Variants in CFAP300 observed in about 807,000 individuals in gnomAD.
CFAP300 encodes the protein cilia and flagella associated protein 300, also known as cilia- and flagella-associated protein 300.
Under a neutral mutation model 33.0 loss-of-function variants are expected in CFAP300, and 32 were observed. The observed-to-expected ratio is 0.97, with a 90% CI of 0.73 to 1.30. The LOEUF is 1.30. Ranked by LOEUF, CFAP300 falls within the 50% of genes most tolerant of loss-of-function variation. The probability of loss-of-function intolerance (pLI) is 0.00; values close to 1 mark genes in which losing one functional copy is unlikely to be tolerated. For missense variants in CFAP300, 356 were observed against 318.1 expected (o/e 1.12, Z -0.90); for synonymous variants, 102 against 106.8 (o/e 0.95, Z 0.28).
chr11:102,058,398 T>C (rs1356795311), intron 2 of CFAP300, among the ~76,000 whole-genome samples: 1 of 151,792 alleles, frequency 6.6e-6, no homozygotes. Flanking sequence ...GCTCATAAAC[T>C]ACAAAAGGAT....
In CFAP300 at chr11:102,084,519, T is replaced by C. The variant is rs1203706570; in HGVS notation, c.*1320T>C. The C allele has an allele frequency of 6.6e-6, 1 of 152,244 alleles. No individual in the cohort carries two copies. The highest frequency in any genetic ancestry group is 2.4e-5 in the African/African-American group (1 of 41,470). 9.4% of individuals were successfully genotyped at this position (152,244 alleles called of 1,614,324 possible). A position where few individuals can be genotyped will look rare whatever the true frequency, so the allele number is the denominator to read the frequency against. On this transcript the variant is annotated 3_prime_UTR_variant, in exon 7 of 7. Coordinates refer to ENST00000434758, the MANE Select transcript of CFAP300 (RefSeq NM_032930.3). ...TTTCTAGATATCCTCATAATACCCATAGATTTTTTTAAATTACATAAAAAC... is the reference window on the plus strand; with the variant it reads ...TTTCTAGATATCCTCATAATACCCACAGATTTTTTTAAATTACATAAAAAC...
chr11:102,075,963 C>T lies in CFAP300; in HGVS notation c.526C>T (p.Leu176Phe), dbSNP rs1942389261. 1 of 1,613,752 alleles carries T rather than the reference C, an allele frequency of 6.2e-7. No individual in the cohort carries two copies. Among genetic ancestry groups the T allele is most frequent in the African/African-American group, 1.3e-5 (1 of 74,888 alleles). The change falls in exon 5 of 7, where the codon CTT becomes TTT. Residue 176 changes from leucine to phenylalanine, a missense_variant. Coordinates refer to ENST00000434758, the MANE Select transcript of CFAP300 (RefSeq NM_032930.3). ...GTTTTGTCTTTTCAAACATCTTTGC[C>T]TTGGTGGAGCCCTTTGTCAATATGA... ...FLFCLFKHLC[L>F]GGALCQYEDV... is the part of the protein sequence containing the mutation.
intron 2 of CFAP300, among the ~76,000 whole-genome samples, chr11:102,051,446 G>A (rs1941969393): frequency 6.6e-6 from 1 of 152,080 alleles, no homozygotes; most frequent in Non-Finnish European, 1.5e-5. Flanking sequence ...CCAGAATTTA[G>A]GCCTCCCACA....
intron 3 of CFAP300, among the ~76,000 whole-genome samples, chr11:102,061,549 G>T (rs1942149679): frequency 6.6e-6 from 1 of 152,112 alleles, no homozygotes; most frequent in African/African-American, 2.4e-5. Flanking sequence ...ACATATAATG[G>T]ATGCTTCCTA....
rs752496808 is a variant in CFAP300, at chr11:102,075,905, A to C, written c.468A>C (p.Glu156Asp). 27 of 1,612,758 alleles carry C rather than the reference A, an allele frequency of 1.7e-5. No homozygotes were observed. The South Asian group carries it at 2.9e-4, about 17-fold the overall frequency. Residue 156 changes from glutamate (E) to aspartate (D), a missense_variant, in exon 5 of 7, where the codon GAA (glutamate) becomes GAC (aspartate). By Grantham distance (45) the Glu-to-Asp change is conservative. Transcript: ENST00000434758. ...TAGTGGAAGACTCAGAAAAATATGAAATATTCAGCCAACCAGATAGAGAAG... is the reference window on the plus strand; with the variant it reads ...TAGTGGAAGACTCAGAAAAATATGACATATTCAGCCAACCAGATAGAGAAG... ...VLLVEDSEKY[E>D]IFSQPDREEF...
chr11:102,047,519 T>A lies in CFAP300; in HGVS notation c.49T>A (p.Leu17Met), dbSNP rs1158642458. 3 of 1,535,900 alleles carry A rather than the reference T, an allele frequency of 2.0e-6. No homozygotes were observed. The East Asian group carries it at 7.3e-5, about 38-fold the overall frequency. ...GDLGGYYFRF[L>M]PQKTFQSLSS... ...CTTGGGTGGCTACTACTTCAGGTTC[T>A]TGCCTCAGAAAACCTTCCAGTCTCT... Residue 17 changes from leucine (L) to methionine (M), a missense_variant, in exon 1 of 7, where the codon TTG (leucine) becomes ATG (methionine). By Grantham distance (15) the Leu-to-Met change is conservative (BLOSUM62 2). Transcript: ENST00000434758.
intron 4 of CFAP300, among the ~76,000 whole-genome samples, chr11:102,071,510 T>C (rs972307467): frequency 1.3e-5 from 2 of 152,204 alleles, no homozygotes; most frequent in Admixed American, 6.5e-5. Context: ...GTATATCTTT[T>C]GTTCCTTTTT....
At chr11:102,071,564 C>T (rs897339537) in intron 4 of CFAP300, among the ~76,000 whole-genome samples, 12 of 152,024 alleles carry the variant, frequency 7.9e-5, no homozygotes, top group Non-Finnish European at 1.8e-4. Flanking sequence ...TCTTTAGTGG[C>T]AATATTTGAA....
At chr11:102,060,814 A>G (rs1467390133) in intron 3 of CFAP300, among the ~76,000 whole-genome samples, 1 of 152,214 alleles carries the variant, frequency 6.6e-6, no homozygotes, top group Non-Finnish European at 1.5e-5. Context: ...TCATGATGTT[A>G]GACTTAGTAG....
At chr11:102,047,778 A>G (rs751548335) in intron 1 of CFAP300, 37 bp from the exon 2 acceptor site, 1 of 1,604,706 alleles carries the variant, frequency 6.2e-7, no homozygotes, top group Non-Finnish European at 8.5e-7. Flanking sequence ...AGAGGGTGCC[A>G]GCCCCCAGAT....
intron 2 of CFAP300, among the ~76,000 whole-genome samples, chr11:102,054,076 C>T (rs1400398088): frequency 6.6e-6 from 1 of 152,212 alleles, no homozygotes; most frequent in Non-Finnish European, 1.5e-5. Context: ...TTGAAATCCA[C>T]CATGGAAACA....
chr11:102,050,865 A>C (rs1941958920), intron 2 of CFAP300, among the ~76,000 whole-genome samples: 1 of 152,208 alleles, frequency 6.6e-6, no homozygotes, highest in South Asian at 2.1e-4. Flanking sequence ...AAGAAGGAGA[A>C]GTTTTTAAGA....
rs555480925 is a variant in CFAP300, at chr11:102,081,962, A to G, written c.675+681A>G. Among the ~76,000 whole-genome samples, 8 of 152,150 alleles carry G rather than the reference A, an allele frequency of 5.3e-5. No individual in the cohort carries two copies. In the South Asian group the frequency reaches 1.5e-3, roughly 28 times the overall value. ...AATCTGGTACTTGAATTTCAGTATT[A>G]TACAAAAGATATTATTACATTCGAA... On this transcript the variant is annotated intron_variant, in intron 6 of 6. Transcript: ENST00000434758.
chr11:102,083,215 T>C lies in CFAP300; in HGVS notation c.*16T>C. ...CATGTCTTAATGTTCTTTCAGATTATGTACCTCTACTATTTTGTATTTATC... is the reference window on the plus strand; with the variant it reads ...CATGTCTTAATGTTCTTTCAGATTACGTACCTCTACTATTTTGTATTTATC... On this transcript the variant is annotated 3_prime_UTR_variant, in exon 7 of 7. Coordinates refer to ENST00000434758, the MANE Select transcript of CFAP300 (RefSeq NM_032930.3). 1 of 1,455,114 alleles carries C rather than the reference T, an allele frequency of 6.9e-7. No individual in the cohort carries two copies. Among genetic ancestry groups the C allele is most frequent in the East Asian group, 2.5e-5 (1 of 40,340 alleles). 90.1% of individuals were successfully genotyped at this position (1,455,114 alleles called of 1,614,324 possible). A position where few individuals can be genotyped will look rare whatever the true frequency, so the allele number is the denominator to read the frequency against.
At chr11:102,058,407 A>T (rs1942090962) in intron 2 of CFAP300, among the ~76,000 whole-genome samples, 1 of 151,706 alleles carries the variant, frequency 6.6e-6, no homozygotes, top group African/African-American at 2.4e-5. Flanking sequence ...CTACAAAAGG[A>T]TCTGGAACTA....
At chr11:102,079,032 A>G (rs1942438520) in intron 5 of CFAP300, among the ~76,000 whole-genome samples, 2 of 152,164 alleles carry the variant, frequency 1.3e-5, no homozygotes, top group Non-Finnish European at 2.9e-5. Flanking sequence ...GTACATGTTT[A>G]TATGTGTTAA....
intron 4 of CFAP300, among the ~76,000 whole-genome samples, chr11:102,069,911 G>A (rs1358045138): frequency 6.6e-6 from 1 of 152,106 alleles, no homozygotes; most frequent in East Asian, 1.9e-4. Context: ...AAGCTGCAGT[G>A]AGCCAAGATG....
intron 2 of CFAP300, among the ~76,000 whole-genome samples, chr11:102,055,711 C>T (rs1476301770): frequency 7.4e-6 from 1 of 134,748 alleles, no homozygotes; most frequent in East Asian, 2.3e-4. Flanking sequence ...CTCGCTCTGT[C>T]GCCCAGGCTG....
rs373139435 is a variant in CFAP300 at position 102,055,704 on chromosome 11, G to A, written c.193-3176G>A. Among the ~76,000 whole-genome samples the A allele has an allele frequency of 4.7e-3, 543 of 115,248 alleles. 3 individuals are homozygous for A. The highest frequency in any genetic ancestry group is 0.018 in the African/African-American group (505 of 28,244). The allele number at this position is 115,248 out of a possible 152,430, so 75.6% of individuals were successfully genotyped here. On this transcript the variant is annotated intron_variant, in intron 2 of 6. Transcript: ENST00000434758. Reference sequence around the variant, plus strand: ...TTTTTTTTTTTTGAGACGGAGTCTCGCTCTGTCGCCCAGGCTGGAGTGCAG... The same window carrying A: ...TTTTTTTTTTTTGAGACGGAGTCTCACTCTGTCGCCCAGGCTGGAGTGCAG...
Sources: gnomAD v4.1 joint callset for allele counts (sites outside exome capture counted in the v4.1 genomes callset) on GRCh38, gnomAD v4.1.1 for gene constraint, MANE v1.5 for transcripts, NCBI Gene and HGNC (gene_info 2026-07-23, HGNC 2026-07-21) for gene names.